Variants in SND1 observed in about 807,000 individuals in gnomAD.
SND1 encodes staphylococcal nuclease domain-containing protein 1.
In SND1, 38 loss-of-function variants were observed where a neutral mutation model predicts 121.7. The observed-to-expected ratio is 0.31, with a 90% confidence interval of 0.24 to 0.41. The LOEUF (loss-of-function observed/expected upper bound fraction) is 0.41, where lower values mean the gene tolerates loss of function less well. SND1 is among the 10% of genes least tolerant of loss of function. The probability of loss-of-function intolerance (pLI) is 1.00; values close to 1 mark genes in which losing one functional copy is unlikely to be tolerated. For synonymous variants in SND1, 401 were observed against 447.4 expected, an observed-to-expected ratio of 0.90 and a Z score of 1.31; for missense variants, 868 against 1,184.6, an observed-to-expected ratio of 0.73 and a Z score of 3.92.
At chr7:127,794,872 A>G (rs964076438) in intron 10 of SND1, among the ~76,000 whole-genome samples, 1 of 152,382 alleles carries the variant, frequency 6.6e-6, no homozygotes, top group Admixed American at 6.5e-5. Context: ...TGAGCTTCCA[A>G]TGAAAAGGAA....
intron 3 of SND1, among the ~76,000 whole-genome samples, chr7:127,697,449 T>C (rs556568395): frequency 6.6e-6 from 1 of 152,334 alleles, no homozygotes; most frequent in East Asian, 1.9e-4. Flanking sequence ...GTCACTCACC[T>C]TGTTTGTACC....
intron 11 of SND1, among the ~76,000 whole-genome samples, chr7:127,834,853 C>A (rs1798835710): frequency 6.6e-6 from 1 of 152,146 alleles, no homozygotes; most frequent in Non-Finnish European, 1.5e-5. Context: ...TTTACCTAAA[C>A]ATATATTTTC....
At chr7:127,893,440 T>G (rs1800053385) in intron 13 of SND1, among the ~76,000 whole-genome samples, 1 of 152,158 alleles carries the variant, frequency 6.6e-6, no homozygotes, top group Non-Finnish European at 1.5e-5. Flanking sequence ...TCTGGCTCTT[T>G]GCAGGAAAAC....
At chr7:127,950,496 T>C (rs1320499417) in intron 15 of SND1, among the ~76,000 whole-genome samples, 2 of 152,246 alleles carry the variant, frequency 1.3e-5, no homozygotes, top group Admixed American at 1.3e-4. Context: ...ATCCAGTACT[T>C]GATACATGAA....
chr7:127,976,143 C>T (rs991044961), intron 15 of SND1, among the ~76,000 whole-genome samples: 13 of 152,230 alleles, frequency 8.5e-5, no homozygotes, highest in Non-Finnish European at 2.9e-5. Flanking sequence ...ACCAGGAACC[C>T]TGGTCGGGGA....
intron 2 of SND1, among the ~76,000 whole-genome samples, chr7:127,690,873 T>C (rs1247939560): frequency 6.6e-6 from 1 of 152,246 alleles, no homozygotes; most frequent in Non-Finnish European, 1.5e-5. Context: ...CCCAAATATC[T>C]TCACATGATT....
chr7:127,707,667 T>C lies in SND1; in HGVS notation c.1038+20T>C. ...GCCAAGGTGAGTCATTCTCAGCATC[T>C]TGATATGCATAGTGGACATTGCCAG... On this transcript the variant is annotated intron_variant, in intron 9 of 23. Coordinates refer to ENST00000354725, the MANE Select transcript of SND1 (RefSeq NM_014390.4). 1 of 1,582,286 alleles carries C rather than the reference T, an allele frequency of 6.3e-7. No individual in the cohort carries two copies. The highest frequency in any genetic ancestry group is 8.7e-7 in the Non-Finnish European group (1 of 1,151,098).
At chr7:127,928,035 C>G (rs1034125143) in intron 14 of SND1, 23 of 152,130 alleles carry the variant, frequency 1.5e-4, no homozygotes, top group African/African-American at 5.6e-4. Context: ...TTGATGCTCA[C>G]TTACTCTATC....
chr7:127,903,255 C>T (rs1367532510), intron 13 of SND1, among the ~76,000 whole-genome samples: 1 of 152,010 alleles, frequency 6.6e-6, no homozygotes, highest in African/African-American at 2.4e-5. Context: ...AACTCCTGAC[C>T]TCAAGTGATC....
intron 11 of SND1, 149 bp downstream of exon 11, chr7:127,807,722 T>C: frequency 1.5e-6 from 1 of 661,996 alleles, no homozygotes; most frequent in East Asian, 2.7e-5. Context: ...GAGAGGCGTG[T>C]TTATGTGTCA....
At chr7:127,734,147 A>C (rs928881201) in intron 10 of SND1, among the ~76,000 whole-genome samples, 1 of 152,070 alleles carries the variant, frequency 6.6e-6, no homozygotes, top group Admixed American at 6.5e-5. Context: ...TAGTGCAGTA[A>C]TATCTCTGCA....
At chr7:127,706,337 A>G (rs1352359785) in intron 8 of SND1, among the ~76,000 whole-genome samples, 2 of 129,172 alleles carry the variant, frequency 1.5e-5, no homozygotes, top group Non-Finnish European at 3.1e-5. Context: ...ACTTACTGCA[A>G]CCTCTACCTC....
At chr7:127,815,322 C>G (rs552439848) in intron 11 of SND1, among the ~76,000 whole-genome samples, 3 of 150,350 alleles carry the variant, frequency 2.0e-5, no homozygotes, top group Admixed American at 2.0e-4. Context: ...TGACCAGTAT[C>G]CTAATAAGAA....
Position 127,957,268 on chromosome 7 carries a change from A to T in SND1, c.1669+27939A>T, listed in dbSNP as rs190333588. 4.1e-4 allele frequency among the ~76,000 whole-genome samples: 63 copies of T among 152,324 alleles called. 1 individual carries two copies. Among genetic ancestry groups the T allele is most frequent in the Non-Finnish European group, 8.2e-4 (56 of 68,038 alleles). On this transcript the variant is annotated intron_variant, in intron 15 of 23. Coordinates refer to ENST00000354725, the MANE Select transcript of SND1 (RefSeq NM_014390.4). Reference sequence around the variant, plus strand: ...TGTTGGCATCATTTGGAACTAGGAAAGCAGCCCGGTTGGCATTTCACTAAC... The same window carrying T: ...TGTTGGCATCATTTGGAACTAGGAATGCAGCCCGGTTGGCATTTCACTAAC...
intron 16 of SND1, among the ~76,000 whole-genome samples, chr7:128,066,638 C>T (rs549467434): frequency 2.6e-4 from 39 of 152,216 alleles, no homozygotes; most frequent in Non-Finnish European, 4.6e-4. Flanking sequence ...TGTTAATGTT[C>T]ATCATCTCTG....
chr7:127,839,451 TA>T (rs1332483829), intron 11 of SND1, among the ~76,000 whole-genome samples: 12 of 152,190 alleles, frequency 7.9e-5, no homozygotes, highest in African/African-American at 2.7e-4. Context: ...CTACCTCCTC[TA>T]ACCTTTTATG....
intron 14 of SND1, among the ~76,000 whole-genome samples, chr7:127,910,587 C>CT (rs1800433525): frequency 6.6e-6 from 1 of 152,088 alleles, no homozygotes; most frequent in Non-Finnish European, 1.5e-5. Flanking sequence ...TCTGGCCCAC[C>CT]TAGTTTAGAT....
chr7:128,025,318 AG>A (rs745406761), intron 16 of SND1, among the ~76,000 whole-genome samples: 1 of 152,222 alleles, frequency 6.6e-6, no homozygotes, highest in African/African-American at 2.4e-5. Context: ...AGGAGTCAAA[AG>A]ACCTGGGCTT....
intron 16 of SND1, among the ~76,000 whole-genome samples, chr7:128,024,302 G>A (rs187121185): frequency 3.9e-5 from 6 of 152,286 alleles, no homozygotes; most frequent in Admixed American, 3.9e-4. Context: ...TAGAAATGGC[G>A]TGAACAGTGC....
Sources: allele counts gnomAD v4.1 joint callset (sites outside exome capture counted in the v4.1 genomes callset), GRCh38; gene constraint gnomAD v4.1.1; transcripts MANE v1.5; gene names NCBI Gene and HGNC (gene_info 2026-07-23, HGNC 2026-07-21).